The following ERI1 variants were observed in gnomAD, a reference collection of about 807,000 sequenced individuals.
ERI1 encodes 3'-5' exoribonuclease 1.
A neutral mutation model predicts 39.7 loss-of-function variants in ERI1; 39 were observed. That is an observed-to-expected ratio of 0.98 (90% CI 0.76 to 1.28). The LOEUF is 1.28. ERI1 is among the 50% of genes most tolerant of loss of function. The pLI is 0.00. For missense variants in ERI1, 581 were observed against 416.9 expected (o/e 1.39, Z -3.43); for synonymous variants, 204 against 149.6 (o/e 1.36, Z -2.65).
intron 3 of ERI1, among the ~76,000 whole-genome samples, chr8:9,041,874 A>G (rs1052710186): frequency 6.6e-6 from 1 of 152,148 alleles, no homozygotes; most frequent in African/African-American, 2.4e-5. Context: ...AGCTGGGAAT[A>G]CAGGCATGCA....
intron 3 of ERI1, chr8:9,062,631 T>A (rs1391896155): frequency 8.0e-6 from 1 of 124,988 alleles, no homozygotes; most frequent in Admixed American, 9.1e-5. Flanking sequence ...TAACCTCCAC[T>A]GTGAGAGTTA....
intron 3 of ERI1, among the ~76,000 whole-genome samples, chr8:9,074,239 T>A (rs961125011): frequency 1.3e-5 from 2 of 151,636 alleles, no homozygotes; most frequent in African/African-American, 4.8e-5. Flanking sequence ...GCTTCCCGAG[T>A]AGCCTGGATT....
In ERI1 at chr8:9,002,968, A is replaced by G. The variant is rs1480056253; in HGVS notation, c.-96A>G. Reference sequence around the variant, plus strand: ...CCGCCGCGGGAACGCGAGCCCGGTAATTTTTCAACGGAGAAAGGCGAGGCT... The same window carrying G: ...CCGCCGCGGGAACGCGAGCCCGGTAGTTTTTCAACGGAGAAAGGCGAGGCT... On this transcript the variant is annotated 5_prime_UTR_variant, in exon 1 of 7. Coordinates refer to ENST00000250263, the MANE Select transcript of ERI1 (RefSeq NM_153332.4). 20 of 924,218 alleles carry G rather than the reference A, an allele frequency of 2.2e-5. No individual in the cohort carries two copies. Among genetic ancestry groups the G allele is most frequent in the Non-Finnish European group, 2.7e-5 (19 of 703,772 alleles). 57.3% of individuals were successfully genotyped at this position (924,218 alleles called of 1,614,324 possible). A position where few individuals can be genotyped will look rare whatever the true frequency, so the allele number is the denominator to read the frequency against.
At chr8:9,035,264 A>G (rs574036286), downstream of ERI1, among the ~76,000 whole-genome samples, 36 of 152,362 alleles carry the variant, frequency 2.4e-4, no homozygotes, top group Non-Finnish European at 4.0e-4. Context: ...CAGGTTTTCA[A>G]TGTAGATGAA....
At chr8:9,088,776 C>T (rs2117471006) in intron 3 of ERI1, among the ~76,000 whole-genome samples, 2 of 152,320 alleles carry the variant, frequency 1.3e-5, no homozygotes, top group Admixed American at 1.3e-4. Flanking sequence ...GAATCCACCT[C>T]ATTGCTCACA....
At chr8:9,011,030 A>G (rs963896119) in intron 2 of ERI1, among the ~76,000 whole-genome samples, 2 of 152,198 alleles carry the variant, frequency 1.3e-5, no homozygotes, top group African/African-American at 2.4e-5. Context: ...TGCTAGGCTC[A>G]TAATGCTTTC....
At chr8:9,055,755 G>C (rs1286369194) in intron 3 of ERI1, among the ~76,000 whole-genome samples, 1 of 152,174 alleles carries the variant, frequency 6.6e-6, no homozygotes, top group East Asian at 1.9e-4. Context: ...TGGCCAGGCT[G>C]GTCTTGAATT....
At chr8:9,078,681 A>G (rs756553501) in intron 3 of ERI1, among the ~76,000 whole-genome samples, 170 of 152,354 alleles carry the variant, frequency 1.1e-3, no homozygotes, top group Non-Finnish European at 2.0e-3. Flanking sequence ...ATAAATGCAT[A>G]TTCTCAGGTC....
chr8:9,023,425 T>G (rs563640545), intron 6 of ERI1, among the ~76,000 whole-genome samples: 102 of 152,272 alleles, frequency 6.7e-4, no homozygotes, highest in Admixed American at 1.9e-3. Context: ...AACCTTAAAA[T>G]AATTTTCAGT....
chr8:9,021,905 T>C (rs905112688), intron 6 of ERI1, among the ~76,000 whole-genome samples: 1 of 151,984 alleles, frequency 6.6e-6, no homozygotes, highest in Non-Finnish European at 1.5e-5. Context: ...CTACTTTGGC[T>C]GGCCATTTGG....
intron 3 of ERI1, among the ~76,000 whole-genome samples, chr8:9,059,726 T>G (rs1798629299): frequency 6.6e-6 from 1 of 152,120 alleles, no homozygotes. Context: ...CTTTAAGAGT[T>G]AAGAGTGGCG....
intron 3 of ERI1, among the ~76,000 whole-genome samples, chr8:9,051,661 A>T (rs1218258333): frequency 6.6e-6 from 1 of 151,508 alleles, no homozygotes; most frequent in Non-Finnish European, 1.5e-5. Context: ...CTGTCTCAAA[A>T]AAAAAAAAAG....
intron 5 of ERI1, 152 bp from the exon 6 acceptor site, chr8:9,020,198 T>C: frequency 2.1e-6 from 1 of 486,392 alleles, no homozygotes; most frequent in South Asian, 3.9e-5. Flanking sequence ...TTTGAATTAG[T>C]ATTTTGTAGG....
intron 3 of ERI1, among the ~76,000 whole-genome samples, chr8:9,073,253 T>C (rs1799110812): frequency 6.6e-6 from 1 of 152,240 alleles, no homozygotes; most frequent in South Asian, 2.1e-4. Flanking sequence ...AACCACCACA[T>C]AGTAGCATTA....
chr8:9,070,081 A>C (rs1027083476), intron 3 of ERI1, among the ~76,000 whole-genome samples: 2 of 152,108 alleles, frequency 1.3e-5, no homozygotes, highest in African/African-American at 4.8e-5. Flanking sequence ...TCTACTAAAA[A>C]TACAAAAACT....
At position 9,079,719 on chromosome 8, in the gene ERI1, G is replaced by T. The variant is rs112106548; in HGVS notation, n.300-36629G>T. ...GAGACAGGGTCTCACTGTCATCCAGGCTGGAGTGCAGTGGATCACGGCTCA... is the reference window on the plus strand; with the variant it reads ...GAGACAGGGTCTCACTGTCATCCAGTCTGGAGTGCAGTGGATCACGGCTCA... On this transcript the variant is annotated intron_variant and non_coding_transcript_variant, in intron 3 of 3. Coordinates refer to the ERI1 transcript ENST00000518663. Among the ~76,000 whole-genome samples, 5 of 152,208 alleles carry T rather than the reference G, an allele frequency of 3.3e-5. No individual in the cohort carries two copies. The Middle Eastern group carries it at 0.01, about 311-fold the overall frequency.
chr8:9,021,005 T>C (rs1817829627), intron 6 of ERI1, among the ~76,000 whole-genome samples: 1 of 152,200 alleles, frequency 6.6e-6, no homozygotes, highest in South Asian at 2.1e-4. Context: ...GTTTGCGATC[T>C]ATTGAATTCC....
At chr8:9,023,072 A>T (rs1818084581) in intron 6 of ERI1, among the ~76,000 whole-genome samples, 1 of 152,212 alleles carries the variant, frequency 6.6e-6, no homozygotes, top group African/African-American at 2.4e-5. Flanking sequence ...GAGTCAGATC[A>T]GGATAAGGTT....
At chr8:9,089,373 G>A (rs1456725049) in intron 3 of ERI1, among the ~76,000 whole-genome samples, 1 of 152,202 alleles carries the variant, frequency 6.6e-6, no homozygotes, top group Non-Finnish European at 1.5e-5. Flanking sequence ...CCAAAGTGCT[G>A]GAATTATGGG....
Sources: allele counts gnomAD v4.1 joint callset (sites outside exome capture counted in the v4.1 genomes callset), GRCh38; gene constraint gnomAD v4.1.1; transcripts MANE v1.5; gene names NCBI Gene and HGNC (gene_info 2026-07-23, HGNC 2026-07-21).